Variants in PHF2 observed in about 807,000 individuals in gnomAD.
PHF2 encodes the protein lysine-specific demethylase PHF2.
Under a neutral mutation model 120.5 loss-of-function variants are expected in PHF2, and 27 were observed. The observed-to-expected ratio is 0.22, with a 90% CI of 0.17 to 0.31. The LOEUF (loss-of-function observed/expected upper bound fraction) is 0.31. Ranked by LOEUF, PHF2 falls within the 10% of genes least tolerant of loss-of-function variation. PHF2 has a pLI of 1.00. For synonymous variants in PHF2, 568 were observed against 592.5 expected, an observed-to-expected ratio of 0.96 and a Z score of 0.60; for missense variants, 1,024 against 1,434.8, an observed-to-expected ratio of 0.71 and a Z score of 4.63.
chr9:93,670,331 G>A (rs891470974), intron 17 of PHF2, among the ~76,000 whole-genome samples: 3 of 152,228 alleles, frequency 2.0e-5, no homozygotes, highest in Non-Finnish European at 2.9e-5. Flanking sequence ...AAGTGGGCAG[G>A]GGTGAGGACT....
At chr9:93,668,723 C>A (rs1202874847) in intron 17 of PHF2, among the ~76,000 whole-genome samples, 1 of 152,172 alleles carries the variant, frequency 6.6e-6, no homozygotes, top group Non-Finnish European at 1.5e-5. Flanking sequence ...CATCTGTGGA[C>A]ACACTGATAA....
chr9:93,629,667 C>T (rs370596272), intron 1 of PHF2, among the ~76,000 whole-genome samples: 57 of 152,290 alleles, frequency 3.7e-4, no homozygotes, highest in African/African-American at 7.2e-4. Context: ...CCCTGGGTGA[C>T]GGGGCATTGG....
At chr9:93,624,579 G>A (rs1452422434) in intron 1 of PHF2, among the ~76,000 whole-genome samples, 1 of 151,874 alleles carries the variant, frequency 6.6e-6, no homozygotes, top group Non-Finnish European at 1.5e-5. Context: ...TGGCGATGTT[G>A]GTGATGACAA....
chr9:93,622,767 C>T lies in PHF2; in HGVS notation c.99-7203C>T, dbSNP rs1825845328. Among the ~76,000 whole-genome samples, 7 of 152,190 alleles carry T rather than the reference C, an allele frequency of 4.6e-5. No individual in the cohort carries two copies. The South Asian group carries it at 1.4e-3, about 32-fold the overall frequency. On this transcript the variant is annotated intron_variant, in intron 1 of 21. Transcript: ENST00000359246. ...AAAGGCCCTGTGAGGATCCTGGTGT[C>T]TCTAGCCCCTCACGCCAAGTCTTGT...
At position 93,676,953 on chromosome 9, in the gene PHF2, C is replaced by A. The variant is rs201060871; in HGVS notation, c.3192C>A (p.Thr1064=). Residue 1064 remains threonine (T), a synonymous_variant, in exon 21 of 22, where the codon ACC becomes ACA. Coordinates refer to ENST00000359246, the MANE Select transcript of PHF2 (RefSeq NM_005392.4). ...RPSASSPNNN[T]AAKGKRTKKG... ...CCGCATCGTCTCCAAACAACAACACCGCTGCCAAAGGTACTGTGCCTGCTG... is the reference window on the plus strand; with the variant it reads ...CCGCATCGTCTCCAAACAACAACACAGCTGCCAAAGGTACTGTGCCTGCTG... 8 of 1,554,042 alleles carry A rather than the reference C, an allele frequency of 5.1e-6. No individual in the cohort carries two copies. The highest frequency in any genetic ancestry group is 2.3e-5 in the East Asian group (1 of 43,258).
At chr9:93,638,379 T>C (rs1014720352) in intron 3 of PHF2, among the ~76,000 whole-genome samples, 1 of 152,354 alleles carries the variant, frequency 6.6e-6, no homozygotes, top group Middle Eastern at 3.4e-3. Context: ...TTTATTGATA[T>C]ATTTTCTTCT....
intron 1 of PHF2, among the ~76,000 whole-genome samples, chr9:93,588,918 C>T (rs985018771): frequency 1.3e-5 from 2 of 152,030 alleles, no homozygotes; most frequent in Non-Finnish European, 1.5e-5. Context: ...CAAAAAACAC[C>T]CTATGAAGTC....
chr9:93,672,366 A>G (rs1233578470), intron 17 of PHF2: 1 of 972,414 alleles, frequency 1.0e-6, no homozygotes, highest in East Asian at 1.2e-4. Flanking sequence ...TCAGGTGTAG[A>G]TGCAGGTGTG....
chr9:93,588,136 G>T (rs191596891), intron 1 of PHF2, among the ~76,000 whole-genome samples: 2 of 152,336 alleles, frequency 1.3e-5, no homozygotes, highest in East Asian at 3.9e-4. Context: ...AGCAGCTGGG[G>T]GCAGAACCAC....
At chr9:93,579,705 C>T (rs1213593901) in intron 1 of PHF2, among the ~76,000 whole-genome samples, 3 of 152,226 alleles carry the variant, frequency 2.0e-5, no homozygotes, top group Non-Finnish European at 4.4e-5. Flanking sequence ...GCCTGTCTGT[C>T]CCACCTGTGG....
intron 9 of PHF2, among the ~76,000 whole-genome samples, chr9:93,657,329 T>C (rs1826478807): frequency 6.6e-6 from 1 of 152,222 alleles, no homozygotes; most frequent in African/African-American, 2.4e-5. Context: ...AAAATGGTCC[T>C]TAGTCACGGC....
At chr9:93,631,353 A>G (rs958034257) in intron 2 of PHF2, among the ~76,000 whole-genome samples, 4 of 152,158 alleles carry the variant, frequency 2.6e-5, no homozygotes, top group African/African-American at 9.7e-5. Context: ...ACAAATATGC[A>G]AGCGGGTGAT....
At chr9:93,645,897 G>A (rs1271187476) in intron 4 of PHF2, 108 bp downstream of exon 4, 92 of 1,255,124 alleles carry the variant, frequency 7.3e-5, no homozygotes, top group Middle Eastern at 5.8e-4. Context: ...CATGTGTGCC[G>A]TGAGCAGTGG....
At chr9:93,645,235 A>T (rs10761248) in intron 3 of PHF2, among the ~76,000 whole-genome samples, 1 of 151,956 alleles carries the variant, frequency 6.6e-6, no homozygotes, top group Non-Finnish European at 1.5e-5. Flanking sequence ...AAGGGGTACA[A>T]GGGAGGTGCA....
rs537094019 is a variant in PHF2 at position 93,629,587 on chromosome 9, C to T, written c.99-383C>T. On this transcript the variant is annotated intron_variant, in intron 1 of 21. Coordinates refer to ENST00000359246, the MANE Select transcript of PHF2 (RefSeq NM_005392.4). ...TCTGAGCTGCCTCTGGTGTTTTCTG[C>T]CCCCTCAGGTTACCCCTGGTGAAGT... 5.3e-5 allele frequency among the ~76,000 whole-genome samples: 8 copies of T among 152,326 alleles called. No individual in the cohort carries two copies. In the South Asian group the frequency reaches 1.0e-3, roughly 20 times the overall value.
chr9:93,583,744 T>C (rs974769529), intron 1 of PHF2, among the ~76,000 whole-genome samples: 2 of 152,214 alleles, frequency 1.3e-5, no homozygotes, highest in Non-Finnish European at 2.9e-5. Context: ...TGCCCACTTT[T>C]ACATTGGATT....
intron 1 of PHF2, among the ~76,000 whole-genome samples, chr9:93,608,022 A>G (rs1825573665): frequency 7.1e-6 from 1 of 140,796 alleles, no homozygotes. Flanking sequence ...GGAAAGGAGG[A>G]AGGAAAGAAA....
chr9:93,632,356 A>T lies in PHF2; in HGVS notation c.184+2301A>T, dbSNP rs148751105. Among the ~76,000 whole-genome samples the T allele has an allele frequency of 2.3e-3, 344 of 152,264 alleles. 1 individual carries two copies. The highest frequency in any genetic ancestry group is 7.8e-3 in the African/African-American group (323 of 41,560). Reference sequence around the variant, plus strand: ...TGTGTGCATGTACATGTATGCTTACATATTTGTGCATGTGTATGTGTGTGT... The same window carrying T: ...TGTGTGCATGTACATGTATGCTTACTTATTTGTGCATGTGTATGTGTGTGT... On this transcript the variant is annotated intron_variant, in intron 2 of 21. Transcript: ENST00000359246.
intron 3 of PHF2, among the ~76,000 whole-genome samples, chr9:93,645,322 A>C (rs1564392619): frequency 1.3e-5 from 2 of 152,204 alleles, no homozygotes; most frequent in African/African-American, 4.8e-5. Flanking sequence ...GCTCAGGCCC[A>C]GGCGCCTCCT....
Sources: allele counts gnomAD v4.1 joint callset (sites outside exome capture counted in the v4.1 genomes callset), GRCh38; gene constraint gnomAD v4.1.1; transcripts MANE v1.5; gene names NCBI Gene and HGNC (gene_info 2026-07-23, HGNC 2026-07-21).